The following ZFYVE16 variants were observed in gnomAD, a reference collection of about 807,000 sequenced individuals.
The protein encoded by ZFYVE16 is zinc finger FYVE domain-containing protein 16.
In ZFYVE16, 89 loss-of-function variants were observed where a neutral mutation model predicts 138.1. The observed-to-expected ratio is 0.64, with a 90% confidence interval of 0.54 to 0.77. The LOEUF (loss-of-function observed/expected upper bound fraction) is 0.77, where lower values mean the gene tolerates loss of function less well. ZFYVE16 is among the 30% of genes least tolerant of loss of function. ZFYVE16 has a pLI of 0.00. For missense variants in ZFYVE16, 1,793 were observed against 1,786.7 expected, an observed-to-expected ratio of 1.00 and a Z score of -0.06; for synonymous variants, 596 against 618.3, an observed-to-expected ratio of 0.96 and a Z score of 0.53.
chr5:80,451,594 T>A lies in ZFYVE16; in HGVS notation c.3492T>A (p.Asp1164Glu), dbSNP rs777028365. 6.2e-7 allele frequency: 1 copy of A among 1,613,908 alleles called. No homozygotes were observed. The highest frequency in any genetic ancestry group is 8.5e-7 in the Non-Finnish European group (1 of 1,179,904). ...CACCTACTTTTCAGAAACTTGATGA[T>A]CTCTCATTACCAAGTAATCCTTTTC... is the stretch of plus-strand genomic sequence containing the variant. ...FITPTFQKLD[D>E]LSLPSNPFLC... Residue 1164 changes from aspartate to glutamate, a missense_variant, in exon 11 of 19, where the codon GAT becomes GAA. Transcript: ENST00000505560.
chr5:80,445,171 A>C, intron 6 of ZFYVE16, 92 bp from the exon 7 acceptor site: 5 of 1,465,078 alleles, frequency 3.4e-6, no homozygotes, highest in Non-Finnish European at 4.6e-6. Context: ...GTGGATAGCA[A>C]AAAGCTTTTG....
chr5:80,416,261 T>TA (rs1243889204), intron 1 of ZFYVE16, among the ~76,000 whole-genome samples: 35 of 142,988 alleles, frequency 2.4e-4, no homozygotes, highest in African/African-American at 9.1e-4. Context: ...TTTTTTTTTT[T>TA]TTTTTTTTTT....
intron 15 of ZFYVE16, among the ~76,000 whole-genome samples, chr5:80,461,228 A>T (rs976258791): frequency 6.6e-6 from 1 of 152,238 alleles, no homozygotes; most frequent in Non-Finnish European, 1.5e-5. Context: ...ATCCAAAAAA[A>T]GTCTGAAATC....
rs1372147312 is a variant in ZFYVE16 at position 80,443,138 on chromosome 5, GGAT to G, written c.2441_2443del (p.Met814del). 6.4e-7 allele frequency: 1 copy of G among 1,553,358 alleles called. No individual in the cohort carries two copies. The highest frequency in any genetic ancestry group is 8.6e-7 in the Non-Finnish European group (1 of 1,161,514). On this transcript the variant is annotated inframe_deletion, in exon 6 of 19. Transcript: ENST00000505560. ...CCCTTTATAGCTCAGGCATTTGAAA[GGAT>G]GATGAGTCCAACTGGTTCTAATCTT...
At chr5:80,432,607 G>C (rs998088307) in intron 2 of ZFYVE16, among the ~76,000 whole-genome samples, 2 of 152,110 alleles carry the variant, frequency 1.3e-5, no homozygotes, top group African/African-American at 4.8e-5. Flanking sequence ...AAACTAAAGA[G>C]CATCTGCACA....
intron 2 of ZFYVE16, among the ~76,000 whole-genome samples, chr5:80,433,168 C>G (rs1749344274): frequency 6.6e-6 from 1 of 152,246 alleles, no homozygotes; most frequent in African/African-American, 2.4e-5. Context: ...CTCACAATAG[C>G]AAAGACTTGG....
rs188943391 is a variant in ZFYVE16, at chr5:80,481,594, G to T, written c.*4217G>T. On this transcript the variant is annotated 3_prime_UTR_variant, in exon 19 of 19. Transcript: ENST00000505560. Reference sequence around the variant, plus strand: ...AGGATGTGTGCTCTGAAACTTAACTGAATTGATGGTCTGCTAAAACAAAAC... The same window carrying T: ...AGGATGTGTGCTCTGAAACTTAACTTAATTGATGGTCTGCTAAAACAAAAC... Among the ~76,000 whole-genome samples the T allele has an allele frequency of 2.9e-3, 435 of 152,128 alleles. 2 individuals carry two copies. The highest frequency in any genetic ancestry group is 0.01 in the African/African-American group (416 of 41,514).
chr5:80,470,979 G>GCACGTGATGTGCTTC (rs1168524827), intron 15 of ZFYVE16, among the ~76,000 whole-genome samples: 2 of 152,138 alleles, frequency 1.3e-5, no homozygotes, highest in Non-Finnish European at 2.9e-5. Context: ...TGAGCCAACA[G>GCACGTGATGTGCTTC]CACGTGATGT....
chr5:80,420,980 T>G lies in ZFYVE16; in HGVS notation c.-93-6512T>G, dbSNP rs181066632. 1.1e-3 allele frequency among the ~76,000 whole-genome samples: 172 copies of G among 152,366 alleles called. 1 individual carries two copies. Among genetic ancestry groups the G allele is most frequent in the African/African-American group, 4.1e-3 (170 of 41,594 alleles). ...CTGTTGTTTCCTGACTTTTTAATGA[T>G]CGCCATTCTAACTGGTGTGAGACGG... On this transcript the variant is annotated intron_variant, in intron 1 of 18. Coordinates refer to ENST00000505560, the MANE Select transcript of ZFYVE16 (RefSeq NM_001284236.3).
At chr5:80,471,600 G>A (rs974617690) in intron 15 of ZFYVE16, among the ~76,000 whole-genome samples, 6 of 152,142 alleles carry the variant, frequency 3.9e-5, no homozygotes, top group Non-Finnish European at 7.3e-5. Context: ...CCAGAAGGCG[G>A]TGACCCCCCG....
rs188885683 is a variant in ZFYVE16 at position 80,417,631 on chromosome 5, G to T, written c.-94+9478G>T. 1.5e-3 allele frequency among the ~76,000 whole-genome samples: 224 copies of T among 152,224 alleles called. 1 individual carries two copies. Among genetic ancestry groups the T allele is most frequent in the African/African-American group, 5.1e-3 (210 of 41,524 alleles). On this transcript the variant is annotated intron_variant, in intron 1 of 18. Transcript: ENST00000505560. ...TGGCAGTATACAGTAAGATTCACTC[G>T]TGTTTTTGTGGCTTGATAGCTTCTT... is the stretch of plus-strand genomic sequence containing the variant.
At chr5:80,408,839 AG>A (rs1306897144) in intron 1 of ZFYVE16, among the ~76,000 whole-genome samples, 1 of 152,222 alleles carries the variant, frequency 6.6e-6, no homozygotes, top group African/African-American at 2.4e-5. Context: ...TTTGATATTA[AG>A]TTAATCTTTT....
Position 80,433,029 on chromosome 5 carries a change from C to T in ZFYVE16, c.-39-1080C>T, listed in dbSNP as rs577981441. 2.6e-4 allele frequency among the ~76,000 whole-genome samples: 40 copies of T among 152,258 alleles called. No individual in the cohort carries two copies. The South Asian group carries it at 6.0e-3, about 23-fold the overall frequency. ...TCAACCATTGTGGACGTCAGTGTGG[C>T]GATTCCTTAGGGATCTAGAACTAGA... On this transcript the variant is annotated intron_variant, in intron 2 of 18. Coordinates refer to ENST00000505560, the MANE Select transcript of ZFYVE16 (RefSeq NM_001284236.3).
chr5:80,417,622 G>GT (rs1296742363), intron 1 of ZFYVE16, among the ~76,000 whole-genome samples: 2 of 152,156 alleles, frequency 1.3e-5, no homozygotes, highest in Non-Finnish European at 2.9e-5. Flanking sequence ...TATACAGTAA[G>GT]ATTCACTCGT....
chr5:80,476,401 G>C (rs1207081981), intron 18 of ZFYVE16, among the ~76,000 whole-genome samples: 2 of 151,988 alleles, frequency 1.3e-5, no homozygotes, highest in Non-Finnish European at 2.9e-5. Context: ...GGCTCAAGCA[G>C]TTCTCCTGCC....
chr5:80,419,929 A>T (rs1277574932), intron 1 of ZFYVE16, among the ~76,000 whole-genome samples: 1 of 151,636 alleles, frequency 6.6e-6, no homozygotes, highest in Non-Finnish European at 1.5e-5. Flanking sequence ...CTCCTGCCTC[A>T]GCCTCCTGAG....
chr5:80,421,711 T>C (rs1253973735), intron 1 of ZFYVE16, among the ~76,000 whole-genome samples: 1 of 152,200 alleles, frequency 6.6e-6, no homozygotes, highest in Non-Finnish European at 1.5e-5. Flanking sequence ...TGTAGTATAG[T>C]TTGAAGTCAG....
rs758419797 is a variant in ZFYVE16, at chr5:80,437,381, C to G, written c.696C>G (p.Ile232Met). 1.2e-6 allele frequency: 2 copies of G among 1,605,042 alleles called. No homozygotes were observed. Among genetic ancestry groups the G allele is most frequent in the South Asian group, 2.2e-5 (2 of 89,912 alleles). The stretch of plus-strand genomic sequence containing the variant: ...CAGAAAATTTAAAAGATAAAAAGAT[C>G]TTTAATCAGTTAGAATCAATTGTTG... ...SGTENLKDKK[I>M]FNQLESIVDF... Residue 232 changes from isoleucine to methionine, a missense_variant, in exon 4 of 19, where the codon ATC (isoleucine) becomes ATG (methionine). Physicochemically the swap from Ile to Met is conservative, Grantham distance 10 (BLOSUM62 1). Transcript: ENST00000505560.
At chr5:80,464,743 C>T (rs1005099961) in intron 15 of ZFYVE16, among the ~76,000 whole-genome samples, 8 of 151,966 alleles carry the variant, frequency 5.3e-5, no homozygotes, top group Non-Finnish European at 1.2e-4. Context: ...TCTGTTCCTT[C>T]CCTACTGTGT....
Sources: gnomAD v4.1 joint callset for allele counts (sites outside exome capture counted in the v4.1 genomes callset) on GRCh38, gnomAD v4.1.1 for gene constraint, MANE v1.5 for transcripts, NCBI Gene and HGNC (gene_info 2026-07-23, HGNC 2026-07-21) for gene names.